The following FAM91A1 variants were observed in gnomAD, a reference collection of about 807,000 sequenced individuals.
FAM91A1 encodes family with sequence similarity 91 member A1.
FAM91A1 carries 41 observed loss-of-function variants against 113.5 expected under a neutral mutation model. The observed-to-expected ratio is 0.36, with a 90% confidence interval of 0.28 to 0.47. The LOEUF (loss-of-function observed/expected upper bound fraction) is 0.47, where lower values mean the gene tolerates loss of function less well. Among genes scored for constraint, FAM91A1 ranks in the 20% least tolerant of loss-of-function variants. The pLI is 1.00. For synonymous variants in FAM91A1, 307 were observed against 347.9 expected (o/e 0.88, Z 1.31); for missense variants, 696 against 1,001.2 (o/e 0.70, Z 4.11).
intron 6 of FAM91A1, among the ~76,000 whole-genome samples, chr8:123,779,451 A>G (rs1465047385): frequency 6.6e-6 from 1 of 152,314 alleles, no homozygotes; most frequent in East Asian, 1.9e-4. Flanking sequence ...CCTAGAGACC[A>G]GGTTGTATTT....
intron 15 of FAM91A1, among the ~76,000 whole-genome samples, chr8:123,796,143 G>T (rs996308540): frequency 2.6e-5 from 4 of 152,068 alleles, no homozygotes; most frequent in Non-Finnish European, 5.9e-5. Context: ...CCAAACACGT[G>T]TCTCTGATTC....
chr8:123,777,225 C>T (rs768952447), intron 3 of FAM91A1, 40 bp from the exon 4 acceptor site: 23 of 1,282,314 alleles, frequency 1.8e-5, no homozygotes, highest in Middle Eastern at 3.8e-4. Flanking sequence ...TATTTAAGGA[C>T]ATTTTAGATT....
intron 19 of FAM91A1, 28 bp from the exon 20 acceptor site, chr8:123,806,052 A>G: frequency 6.6e-7 from 1 of 1,513,952 alleles, no homozygotes; most frequent in South Asian, 1.3e-5. Context: ...GAAACTGTTC[A>G]TTAATGTGAT....
chr8:123,791,744 G>A (rs951090524), intron 15 of FAM91A1, among the ~76,000 whole-genome samples: 1 of 152,162 alleles, frequency 6.6e-6, no homozygotes, highest in East Asian at 1.9e-4. Context: ...CATTAGTACC[G>A]TTCTCAATGC....
intron 23 of FAM91A1, chr8:123,811,983 T>G (rs1172038546): frequency 1.3e-5 from 2 of 152,382 alleles, no homozygotes; most frequent in African/African-American, 4.8e-5. Flanking sequence ...GCCATTCTCC[T>G]GCCTCAGCCT....
In FAM91A1 at chr8:123,798,257, G is replaced by A. The variant is rs1258184574; in HGVS notation, c.1560+19G>A. ...CCCTCAGGTAAAGACCTACTTGGAA[G>A]ATCCACTTGGTAGTGTCATGAGTCC... On this transcript the variant is annotated intron_variant, in intron 16 of 23. Transcript: ENST00000334705. The A allele has an allele frequency of 1.2e-6, 2 of 1,611,736 alleles. No homozygotes were observed. The highest frequency in any genetic ancestry group is 1.7e-6 in the Non-Finnish European group (2 of 1,178,912).
chr8:123,797,477 C>A (rs1316121759), intron 15 of FAM91A1, among the ~76,000 whole-genome samples: 1 of 152,172 alleles, frequency 6.6e-6, no homozygotes, highest in African/African-American at 2.4e-5. Flanking sequence ...CCCAGTCCTT[C>A]CTCTTCCTCC....
chr8:123,812,322 G>T, intron 23 of FAM91A1, 197 bp from the exon 24 acceptor site: 1 of 409,380 alleles, frequency 2.4e-6, no homozygotes, highest in Non-Finnish European at 4.3e-6. Flanking sequence ...ACAGTTTAAC[G>T]TTGTTAGTCA....
intron 18 of FAM91A1, among the ~76,000 whole-genome samples, chr8:123,801,866 G>C (rs1815690903): frequency 6.6e-6 from 1 of 151,836 alleles, no homozygotes; most frequent in African/African-American, 2.4e-5. Context: ...TTGGGTCATA[G>C]TAGTTGTCCA....
intron 14 of FAM91A1, among the ~76,000 whole-genome samples, chr8:123,788,870 A>G (rs919505703): frequency 1.3e-5 from 2 of 152,028 alleles, no homozygotes; most frequent in African/African-American, 2.4e-5. Context: ...TTTAAAGTGG[A>G]TTCTTAGCTA....
At chr8:123,808,615 T>C in intron 21 of FAM91A1, 5 of 507,488 alleles carry the variant, frequency 9.9e-6, no homozygotes, top group South Asian at 6.1e-5. Context: ...CTTACAGATA[T>C]CTTGCAATAC....
At chr8:123,786,449 G>C (rs1418686243) in intron 11 of FAM91A1, 46 bp from the exon 12 acceptor site, 1 of 1,285,120 alleles carries the variant, frequency 7.8e-7, no homozygotes. Context: ...TTAATGTAAG[G>C]TCATTTATAT....
intron 13 of FAM91A1, 101 bp downstream of exon 13, chr8:123,787,474 C>A: frequency 9.3e-7 from 1 of 1,074,980 alleles, no homozygotes; most frequent in South Asian, 1.6e-5. Context: ...TACATTTATT[C>A]CCGAAGCACA....
chr8:123,796,754 G>A (rs1414112660), intron 15 of FAM91A1, among the ~76,000 whole-genome samples: 1 of 150,450 alleles, frequency 6.6e-6, no homozygotes, highest in Non-Finnish European at 1.5e-5. Flanking sequence ...ACTGTGCCTG[G>A]CCTGAAGTGT....
intron 23 of FAM91A1, chr8:123,811,287 A>G (rs1425951146): frequency 3.3e-5 from 5 of 152,258 alleles, no homozygotes; most frequent in Admixed American, 2.6e-4. Context: ...CTTCTGGCAT[A>G]TGTTAGAGAA....
In FAM91A1 at chr8:123,780,033, G is replaced by A; in HGVS notation, c.598G>A (p.Gly200Ser). The A allele has an allele frequency of 6.2e-7, 1 of 1,613,392 alleles. No individual in the cohort carries two copies. Among genetic ancestry groups the A allele is most frequent in the South Asian group, 1.1e-5 (1 of 91,018 alleles). The change falls in exon 7 of 24, where the codon GGC (glycine) becomes AGC (serine). Residue 200 changes from glycine (G) to serine (S), a missense_variant. Physicochemically the swap from Gly to Ser is moderately conservative, Grantham distance 56 (BLOSUM62 0). Coordinates refer to ENST00000334705, the MANE Select transcript of FAM91A1 (RefSeq NM_144963.4). ...KCAVDKIIDS[G>S]PQLSGSLDYN... is the part of the protein sequence containing the mutation. ...CGCTGTTGATAAGATCATCGATTCA[G>A]GCCCTCAACTCTCTGGATCACTAGA...
rs1366870223 is a variant in FAM91A1, at chr8:123,799,891, T to A, written c.1809+6T>A. The A allele has an allele frequency of 1.3e-6, 2 of 1,555,860 alleles. No individual in the cohort carries two copies. Among genetic ancestry groups the A allele is most frequent in the African/African-American group, 2.7e-5 (2 of 72,780 alleles). On this transcript the variant is annotated splice_donor_region_variant and intron_variant, in intron 18 of 23. Transcript: ENST00000334705. ...ATTCTGCAGTTTTAATTCAGGTACATTTATCTTATTTGAAATTTTGTCTTT... is the reference window on the plus strand; with the variant it reads ...ATTCTGCAGTTTTAATTCAGGTACAATTATCTTATTTGAAATTTTGTCTTT...
At chr8:123,812,480 A>G (rs781534246) in intron 23 of FAM91A1, 39 bp from the exon 24 acceptor site, 2 of 1,516,356 alleles carry the variant, frequency 1.3e-6, no homozygotes, top group Non-Finnish European at 8.8e-7. Flanking sequence ...GTTTTGGTAA[A>G]GTGTTGAATA....
At chr8:123,773,992 G>C in intron 1 of FAM91A1, 88 bp from the exon 2 acceptor site, 2 of 920,654 alleles carry the variant, frequency 2.2e-6, no homozygotes, top group South Asian at 1.6e-5. Context: ...TAAAAATGGG[G>C]GTCGTGGTTT....
Sources: gnomAD v4.1 joint callset for allele counts (sites outside exome capture counted in the v4.1 genomes callset) on GRCh38, gnomAD v4.1.1 for gene constraint, MANE v1.5 for transcripts, NCBI Gene and HGNC (gene_info 2026-07-23, HGNC 2026-07-21) for gene names.